Variants in DPF3 observed in about 807,000 individuals in gnomAD.
The protein encoded by DPF3 is zinc finger protein DPF3.
Under a neutral mutation model 56.8 loss-of-function variants are expected in DPF3, and 18 were observed. That is an observed-to-expected ratio of 0.32 (90% confidence interval 0.22 to 0.47). The LOEUF (loss-of-function observed/expected upper bound fraction) is 0.47. Ranked by LOEUF, DPF3 falls within the 20% of genes least tolerant of loss-of-function variation. The pLI, the probability that DPF3 is intolerant of heterozygous loss-of-function variation, is 1.00. For missense variants in DPF3, 403 were observed against 488.8 expected, an observed-to-expected ratio of 0.82 and a Z score of 1.65; for synonymous variants, 188 against 180.2, an observed-to-expected ratio of 1.04 and a Z score of -0.35.
At chr14:72,692,978 A>G in intron 7 of DPF3, 98 bp downstream of exon 7, 1 of 1,554,108 alleles carries the variant, frequency 6.4e-7, no homozygotes, top group Admixed American at 1.8e-5. Context: ...AACGGTTGCT[A>G]CCAGAAGATG....
intron 8 of DPF3, among the ~76,000 whole-genome samples, chr14:72,637,126 G>A (rs1885406461): frequency 1.3e-5 from 2 of 152,146 alleles, no homozygotes; most frequent in South Asian, 4.1e-4. Context: ...AGTATTACGG[G>A]CACTTTTAAT....
chr14:72,616,335 G>C lies in DPF3; in HGVS notation c.*2962C>G, dbSNP rs1884088768. 1.3e-5 allele frequency among the ~76,000 whole-genome samples: 2 copies of C among 152,086 alleles called. No homozygotes were observed. Among genetic ancestry groups the C allele is most frequent in the Admixed American group, 6.5e-5 (1 of 15,270 alleles). ...CAACTGCATTAATCTTATAGAAGGA[G>C]TATCCTGAGTACCTTCATTTTAAAG... On this transcript the variant is annotated 3_prime_UTR_variant, in exon 11 of 11. Transcript: ENST00000556509.
At chr14:72,625,884 TACAC>T in intron 9 of DPF3, among the ~76,000 whole-genome samples, 1 of 152,334 alleles carries the variant, frequency 6.6e-6, no homozygotes, top group East Asian at 1.9e-4. Context: ...TTAGTCACAA[TACAC>T]AGTCATTAGT....
intron 1 of DPF3, among the ~76,000 whole-genome samples, chr14:72,875,719 A>T (rs1469773373): frequency 1.3e-5 from 2 of 152,158 alleles, no homozygotes; most frequent in Non-Finnish European, 2.9e-5. Flanking sequence ...AACCCTAAGG[A>T]CTTGTGTAAC....
At position 72,619,158 on chromosome 14, in the gene DPF3, T is replaced by A. The variant is rs1370485574; in HGVS notation, c.*139A>T. 4 of 818,386 alleles carry A rather than the reference T, an allele frequency of 4.9e-6. No individual in the cohort carries two copies. The highest frequency in any genetic ancestry group is 5.6e-6 in the Non-Finnish European group (3 of 535,358). 50.7% of individuals were successfully genotyped at this position (818,386 alleles called of 1,614,324 possible). ...GAGATGCCTCACCCTCTTCGTTCCA[T>A]GTGTCCCTGCCCCTCTGGGACTATT... On this transcript the variant is annotated 3_prime_UTR_variant, in exon 11 of 11. Transcript: ENST00000556509.
Position 72,693,115 on chromosome 14 carries a change from T to G in DPF3, c.703A>C (p.Thr235Pro), listed in dbSNP as rs1236921387. 11 of 1,613,888 alleles carry G rather than the reference T, an allele frequency of 6.8e-6. No individual in the cohort carries two copies. Among genetic ancestry groups the G allele is most frequent in the Non-Finnish European group, 8.5e-6 (10 of 1,179,882 alleles). The change falls in exon 7 of 11, where the codon ACT (threonine) becomes CCT (proline). Residue 235 changes from threonine to proline, a missense_variant. Coordinates refer to ENST00000556509, the MANE Select transcript of DPF3 (RefSeq NM_001280542.3). ...EEGDEAQDQE[T>P]RSPPNHRNEN... Reference sequence around the variant, plus strand: ...TTTCTGTGGTTGGGTGGGGACCGAGTCTCCTGGTCTTGAGCTTCATCCCCC... The same window carrying G: ...TTTCTGTGGTTGGGTGGGGACCGAGGCTCCTGGTCTTGAGCTTCATCCCCC...
At chr14:72,726,592 A>G (rs1326493469) in intron 4 of DPF3, among the ~76,000 whole-genome samples, 1 of 152,158 alleles carries the variant, frequency 6.6e-6, no homozygotes, top group African/African-American at 2.4e-5. Flanking sequence ...GCCTCTCGAC[A>G]TAATTCAGGA....
chr14:72,793,856 A>G (rs1434726533), intron 1 of DPF3, among the ~76,000 whole-genome samples: 1 of 152,244 alleles, frequency 6.6e-6, no homozygotes, highest in Non-Finnish European at 1.5e-5. Flanking sequence ...TGCACCTTCA[A>G]GAGAAAATGC....
rs994791029 is a variant in DPF3, at chr14:72,614,055, A to T, written c.*5242T>A. Among the ~76,000 whole-genome samples, 4 of 151,990 alleles carry T rather than the reference A, an allele frequency of 2.6e-5. No individual in the cohort carries two copies. Among genetic ancestry groups the T allele is most frequent in the Admixed American group, 2.6e-4 (4 of 15,266 alleles). On this transcript the variant is annotated 3_prime_UTR_variant, in exon 11 of 11. Transcript: ENST00000556509. The stretch of plus-strand genomic sequence containing the variant: ...AGGAAGGGGTTCCCAGCTCTCCAAG[A>T]CCCACCACCAGCTGCCCAAAGGCCT...
intron 1 of DPF3, among the ~76,000 whole-genome samples, chr14:72,773,157 G>C (rs572673329): frequency 6.8e-6 from 1 of 146,094 alleles, no homozygotes; most frequent in Non-Finnish European, 1.5e-5. Flanking sequence ...TTTTGAGATG[G>C]AGTCTCACTC....
At chr14:72,772,941 G>A (rs1891596105) in intron 1 of DPF3, among the ~76,000 whole-genome samples, 2 of 152,076 alleles carry the variant, frequency 1.3e-5, no homozygotes, top group Non-Finnish European at 2.9e-5. Context: ...AAGGGAAGGA[G>A]CCACAGAGTT....
In DPF3 at chr14:72,619,163, C is replaced by T. The variant is rs1371067490; in HGVS notation, c.*134G>A. On this transcript the variant is annotated 3_prime_UTR_variant, in exon 11 of 11. Transcript: ENST00000556509. Reference sequence around the variant, plus strand: ...GCCTCACCCTCTTCGTTCCATGTGTCCCTGCCCCTCTGGGACTATTTCTTT... The same window carrying T: ...GCCTCACCCTCTTCGTTCCATGTGTTCCTGCCCCTCTGGGACTATTTCTTT... 3 of 866,810 alleles carry T rather than the reference C, an allele frequency of 3.5e-6. No homozygotes were observed. The highest frequency in any genetic ancestry group is 3.4e-5 in the African/African-American group (2 of 58,836). The allele number at this position is 866,810 out of a possible 1,614,324, so 53.7% of individuals were successfully genotyped here.
At chr14:72,879,758 C>A in intron 1 of DPF3, 1 of 1,509,624 alleles carries the variant, frequency 6.6e-7, no homozygotes. Flanking sequence ...AGAGCATCCC[C>A]TCAGACTAAC....
chr14:72,878,752 C>CAA (rs1886212333), intron 1 of DPF3, among the ~76,000 whole-genome samples: 1 of 152,210 alleles, frequency 6.6e-6, no homozygotes, highest in South Asian at 2.1e-4. Context: ...GTCTTTATTT[C>CAA]TCAAGACCAA....
chr14:72,678,716 G>T (rs1387812757), intron 7 of DPF3, among the ~76,000 whole-genome samples: 2 of 152,204 alleles, frequency 1.3e-5, no homozygotes, highest in Non-Finnish European at 2.9e-5. Flanking sequence ...AAGATGACGG[G>T]GAGGGCAAAG....
At chr14:72,696,761 T>C (rs1353651805) in intron 6 of DPF3, among the ~76,000 whole-genome samples, 3 of 152,240 alleles carry the variant, frequency 2.0e-5, no homozygotes, top group Non-Finnish European at 4.4e-5. Context: ...ACAGAGATTC[T>C]CAAACAGTGG....
At chr14:72,823,098 T>C (rs145357494) in intron 1 of DPF3, among the ~76,000 whole-genome samples, 27 of 152,124 alleles carry the variant, frequency 1.8e-4, no homozygotes, top group Non-Finnish European at 3.7e-4. Context: ...AAAAACCAAA[T>C]GGGTTGGCGA....
At chr14:72,795,721 C>G (rs61631136) in intron 1 of DPF3, among the ~76,000 whole-genome samples, 23,456 of 152,122 alleles carry the variant, frequency 0.15, 1,930 homozygotes, top group Middle Eastern at 0.32. Context: ...TTCATGCTGA[C>G]GTCAGGGAGC....
intron 9 of DPF3, among the ~76,000 whole-genome samples, chr14:72,628,650 G>T (rs936149820): frequency 6.6e-6 from 1 of 151,882 alleles, no homozygotes; most frequent in African/African-American, 2.4e-5. Flanking sequence ...GAGAGAGAGA[G>T]AGAGAGATGG....
Sources: gnomAD v4.1 joint callset for allele counts (sites outside exome capture counted in the v4.1 genomes callset) on GRCh38, gnomAD v4.1.1 for gene constraint, MANE v1.5 for transcripts, NCBI Gene and HGNC (gene_info 2026-07-23, HGNC 2026-07-21) for gene names.